The following PSD3 variants were observed in gnomAD, a reference collection of about 807,000 sequenced individuals.
The protein encoded by PSD3 is PH and SEC7 domain-containing protein 3.
Under a neutral mutation model 105.5 loss-of-function variants are expected in PSD3, and 49 were observed. The observed-to-expected ratio is 0.46, with a 90% confidence interval of 0.37 to 0.59. The LOEUF is 0.59. PSD3 is among the 20% of genes least tolerant of loss of function. The pLI, the probability that PSD3 is intolerant of heterozygous loss-of-function variation, is 0.00. For synonymous variants in PSD3, 557 were observed against 457.8 expected (o/e 1.22, Z -2.77); for missense variants, 1,561 against 1,263.8 (o/e 1.24, Z -3.57).
Position 18,644,345 on chromosome 8 carries a change from CA to C in PSD3, c.2216+11296del, listed in dbSNP as rs1371544288. On this transcript the variant is annotated intron_variant, in intron 10 of 15. Coordinates refer to ENST00000327040, the MANE Select transcript of PSD3 (RefSeq NM_015310.4). ...GTGGTTAAAAGTAGCTACTTAGCTC[CA>C]TCAACATTTTGCTTTGAAATTTATT... Among the ~76,000 whole-genome samples the C allele has an allele frequency of 2.0e-5, 3 of 152,280 alleles. No homozygotes were observed. The East Asian group carries it at 5.8e-4, about 29-fold the overall frequency.
chr8:18,929,732 G>A (rs200081739), intron 2 of PSD3, among the ~76,000 whole-genome samples: 15 of 152,196 alleles, frequency 9.9e-5, no homozygotes, highest in East Asian at 3.9e-4. Flanking sequence ...GAGGACTAAC[G>A]GTGGCTTTCA....
At chr8:18,927,672 T>C (rs1332625927) in intron 2 of PSD3, among the ~76,000 whole-genome samples, 2 of 152,198 alleles carry the variant, frequency 1.3e-5, no homozygotes, top group African/African-American at 2.4e-5. Flanking sequence ...TTAGTTTCCC[T>C]GAACACACGT....
At chr8:18,912,062 A>C (rs1308078634) in intron 2 of PSD3, among the ~76,000 whole-genome samples, 1 of 152,154 alleles carries the variant, frequency 6.6e-6, no homozygotes, top group African/African-American at 2.4e-5. Flanking sequence ...ATGAGGAAAA[A>C]AATCAACCCA....
intron 10 of PSD3, among the ~76,000 whole-genome samples, chr8:18,638,674 T>C (rs1563409039): frequency 6.6e-6 from 1 of 152,128 alleles, no homozygotes; most frequent in Non-Finnish European, 1.5e-5. Context: ...ACTGGAAGAA[T>C]TAATATTGTT....
At chr8:18,646,662 A>T (rs1808060149) in intron 10 of PSD3, among the ~76,000 whole-genome samples, 2 of 152,168 alleles carry the variant, frequency 1.3e-5, no homozygotes, top group Admixed American at 1.3e-4. Context: ...GGTACAACTA[A>T]ATCAGTCTAA....
intron 1 of PSD3, among the ~76,000 whole-genome samples, chr8:19,003,174 A>G (rs74304231): frequency 0.14 from 21,755 of 152,016 alleles, 1,811 homozygotes; most frequent in African/African-American, 0.16. Flanking sequence ...CACTCCAACC[A>G]CTATGCTGCA....
chr8:18,709,771 A>G (rs1802134639), intron 9 of PSD3, among the ~76,000 whole-genome samples: 2 of 152,176 alleles, frequency 1.3e-5, no homozygotes, highest in Admixed American at 6.5e-5. Flanking sequence ...GGACCTAACT[A>G]TTAAAAGAAA....
chr8:18,957,084 A>G (rs1823614991), intron 1 of PSD3, among the ~76,000 whole-genome samples: 6 of 152,124 alleles, frequency 3.9e-5, no homozygotes, highest in Admixed American at 3.9e-4. Flanking sequence ...TTAAGAGTAA[A>G]CAATCGGCTG....
chr8:18,980,199 A>G (rs1272503505), intron 1 of PSD3, among the ~76,000 whole-genome samples: 1 of 152,188 alleles, frequency 6.6e-6, no homozygotes, highest in Admixed American at 6.5e-5. Flanking sequence ...CCTCTGCCAA[A>G]AAGTTCCTCA....
chr8:18,560,210 A>AC lies in PSD3; in HGVS notation c.2785-3859_2785-3858insG, dbSNP rs3042139. Among the ~76,000 whole-genome samples, 240 of 149,994 alleles carry AC rather than the reference A, an allele frequency of 1.6e-3. 1 individual carries two copies. The highest frequency in any genetic ancestry group is 5.6e-3 in the African/African-American group (229 of 40,952). On this transcript the variant is annotated intron_variant, in intron 14 of 15. Coordinates refer to ENST00000327040, the MANE Select transcript of PSD3 (RefSeq NM_015310.4). ...CACACACACACACACACACACACACAAACAAAAAAACAACAACAGCAACAA... is the reference window on the plus strand; with the variant it reads ...CACACACACACACACACACACACACACAACAAAAAAACAACAACAGCAACAA...
chr8:18,608,012 C>G (rs1804981812), intron 11 of PSD3, among the ~76,000 whole-genome samples: 1 of 152,160 alleles, frequency 6.6e-6, no homozygotes, highest in Admixed American at 6.5e-5. Context: ...TAAATTACCT[C>G]CCACCAGGTG....
rs368453563 is a variant in PSD3, at chr8:18,853,245, T to C, written c.1634+14429A>G. 7.9e-4 allele frequency among the ~76,000 whole-genome samples: 120 copies of C among 152,268 alleles called. 2 individuals carry two copies. In the South Asian group the frequency reaches 0.024, roughly 31 times the overall value. ...TATAAAAATACTGGAAATAGGAACT[T>C]ACAATCCATAGTCAAGGCAAGCAAT... On this transcript the variant is annotated intron_variant, in intron 4 of 15. Transcript: ENST00000327040.
chr8:18,668,734 T>C (rs957632767), intron 9 of PSD3, among the ~76,000 whole-genome samples: 4 of 152,180 alleles, frequency 2.6e-5, no homozygotes, highest in African/African-American at 9.7e-5. Flanking sequence ...TACTTTAAAG[T>C]CAGTATTATG....
At chr8:18,548,819 G>T (rs1191834559) in intron 15 of PSD3, among the ~76,000 whole-genome samples, 2 of 152,160 alleles carry the variant, frequency 1.3e-5, no homozygotes, top group East Asian at 3.9e-4. Context: ...TGGGGGAAAG[G>T]ATCTGTAGGT....
At chr8:18,762,393 C>G (rs557227300) in intron 9 of PSD3, among the ~76,000 whole-genome samples, 4 of 152,274 alleles carry the variant, frequency 2.6e-5, no homozygotes, top group Admixed American at 1.3e-4. Context: ...TCTGTACAGC[C>G]CGCAGAACCA....
chr8:18,566,290 C>G (rs1563328531), intron 14 of PSD3, among the ~76,000 whole-genome samples: 1 of 151,982 alleles, frequency 6.6e-6, no homozygotes, highest in Non-Finnish European at 1.5e-5. Flanking sequence ...TTTGGGAGGC[C>G]GAGGTGGGCA....
chr8:18,685,641 T>A (rs1458964669), intron 9 of PSD3, among the ~76,000 whole-genome samples: 3 of 152,160 alleles, frequency 2.0e-5, no homozygotes. Context: ...TTTCTCAGAA[T>A]TAAGAAAAAT....
intron 15 of PSD3, among the ~76,000 whole-genome samples, chr8:18,537,788 T>C (rs1005515756): frequency 1.1e-4 from 16 of 152,274 alleles, no homozygotes; most frequent in African/African-American, 3.8e-4. Context: ...GCAATTCTCC[T>C]GCCTCAGCCT....
intron 1 of PSD3, among the ~76,000 whole-genome samples, chr8:19,047,066 G>GGGCTC (rs1181535869): frequency 1.3e-5 from 2 of 150,662 alleles, no homozygotes; most frequent in Admixed American, 6.6e-5. Flanking sequence ...TCCCTCTCCG[G>GGGCTC]GGCTCGTTGC....
Sources: gnomAD v4.1 joint callset for allele counts (sites outside exome capture counted in the v4.1 genomes callset) on GRCh38, gnomAD v4.1.1 for gene constraint, MANE v1.5 for transcripts, NCBI Gene and HGNC (gene_info 2026-07-23, HGNC 2026-07-21) for gene names.